Variants in FARS2 observed in about 807,000 individuals in gnomAD.
FARS2 encodes phenylalanyl-tRNA synthetase 2, mitochondrial.
Under a neutral mutation model 46.4 loss-of-function variants are expected in FARS2, and 40 were observed. That is an observed-to-expected ratio of 0.86 (90% confidence interval 0.67 to 1.12). The LOEUF (loss-of-function observed/expected upper bound fraction) is 1.12. Among genes scored for constraint, FARS2 ranks in the 50% most tolerant of loss-of-function variants. The pLI, the probability that FARS2 is intolerant of heterozygous loss-of-function variation, is 0.00. For synonymous variants in FARS2, 234 were observed against 214.9 expected (o/e 1.09, Z -0.78); for missense variants, 513 against 567.9 (o/e 0.90, Z 0.98).
intron 4 of FARS2, among the ~76,000 whole-genome samples, chr6:5,477,764 G>A (rs1398813485): frequency 6.6e-6 from 1 of 152,134 alleles, no homozygotes; most frequent in Non-Finnish European, 1.5e-5. Flanking sequence ...CATGCCTGTA[G>A]CCCCAGCAGT....
At chr6:5,589,762 T>C (rs1253353880) in intron 5 of FARS2, among the ~76,000 whole-genome samples, 1 of 152,252 alleles carries the variant, frequency 6.6e-6, no homozygotes, top group Non-Finnish European at 1.5e-5. Context: ...TATAACCTTT[T>C]GGTAAATCAT....
chr6:5,623,288 A>C (rs1232937298), intron 6 of FARS2, among the ~76,000 whole-genome samples: 1 of 152,242 alleles, frequency 6.6e-6, no homozygotes, highest in Non-Finnish European at 1.5e-5. Flanking sequence ...GGAGCCTTGG[A>C]CTTGGCAGCC....
chr6:5,670,487 T>C (rs1778397135), intron 6 of FARS2, among the ~76,000 whole-genome samples: 1 of 152,228 alleles, frequency 6.6e-6, no homozygotes, highest in Admixed American at 6.5e-5. Flanking sequence ...CCACAACTGA[T>C]GCACAATGGA....
At chr6:5,482,414 C>G (rs773718721) in intron 4 of FARS2, among the ~76,000 whole-genome samples, 17 of 152,164 alleles carry the variant, frequency 1.1e-4, no homozygotes, top group Non-Finnish European at 2.2e-4. Context: ...CAAATGCCCA[C>G]TTAATGTTTT....
intron 4 of FARS2, among the ~76,000 whole-genome samples, chr6:5,458,998 G>C (rs1765078169): frequency 1.3e-5 from 2 of 152,194 alleles, no homozygotes; most frequent in South Asian, 4.1e-4. Flanking sequence ...ATTAAAGCAT[G>C]AAATATATTA....
intron 1 of FARS2, among the ~76,000 whole-genome samples, chr6:5,362,433 A>G (rs926377677): frequency 2.6e-5 from 4 of 152,208 alleles, no homozygotes; most frequent in African/African-American, 9.6e-5. Flanking sequence ...AGGCTGAATA[A>G]TATTCTATTG....
chr6:5,256,287 C>CA (rs1045341549), upstream of FARS2, among the ~76,000 whole-genome samples: 4 of 151,406 alleles, frequency 2.6e-5, no homozygotes, highest in Non-Finnish European at 4.4e-5. Flanking sequence ...GTCAGGAGTT[C>CA]AAGATCAGCC....
the FARS2 span, among the ~76,000 whole-genome samples, chr6:5,252,632 T>C: frequency 6.6e-6 from 1 of 152,322 alleles, no homozygotes; most frequent in South Asian, 2.1e-4. Flanking sequence ...GATGCTAGAA[T>C]AGCTGTATCC....
At chr6:5,260,945 G>A (rs1765061334), upstream of FARS2, 7 of 1,334,820 alleles carry the variant, frequency 5.2e-6, no homozygotes, top group South Asian at 8.5e-5. Flanking sequence ...GGCGCAGGCA[G>A]GGCTCGGGGC....
At chr6:5,767,262 G>A (rs1762801767) in intron 6 of FARS2, among the ~76,000 whole-genome samples, 1 of 151,942 alleles carries the variant, frequency 6.6e-6, no homozygotes, top group East Asian at 1.9e-4. Flanking sequence ...CACCATGTTG[G>A]CCAGGCTGGT....
rs569399750 is a variant in FARS2 at position 5,318,132 on chromosome 6, G to A, written c.-21-50418G>A. The stretch of plus-strand genomic sequence containing the variant: ...TCCCAGCACTTTGGGAGGCCAAGGC[G>A]GGAGGATCACGAGGTCAGGAGTTAG... On this transcript the variant is annotated intron_variant, in intron 1 of 6. Coordinates refer to ENST00000274680, the MANE Select transcript of FARS2 (RefSeq NM_006567.5). 7.4e-4 allele frequency among the ~76,000 whole-genome samples: 112 copies of A among 152,138 alleles called. 1 individual carries two copies. The South Asian group carries it at 0.017, about 23-fold the overall frequency.
intron 5 of FARS2, among the ~76,000 whole-genome samples, chr6:5,558,673 A>G (rs2150530577): frequency 6.6e-6 from 1 of 152,020 alleles, no homozygotes; most frequent in South Asian, 2.1e-4. Context: ...AGTAGCTGGG[A>G]CTACAGGCAC....
chr6:5,612,747 A>G (rs1459173962), intron 5 of FARS2, among the ~76,000 whole-genome samples: 1 of 152,218 alleles, frequency 6.6e-6, no homozygotes, highest in Non-Finnish European at 1.5e-5. Flanking sequence ...TTACTAATTG[A>G]AATATTAATT....
At position 5,287,655 on chromosome 6, in the gene FARS2, T is replaced by C. The variant is rs140684130; in HGVS notation, c.-22+25995T>C. 2.4e-4 allele frequency among the ~76,000 whole-genome samples: 37 copies of C among 152,328 alleles called. No homozygotes were observed. In the East Asian group the frequency reaches 7.1e-3, roughly 29 times the overall value. The stretch of plus-strand genomic sequence containing the variant: ...AGAGAGTTGGCCTACTTTCTGTCGA[T>C]GCTGCTCCCTTGGAGGACCTCATAG... On this transcript the variant is annotated intron_variant, in intron 1 of 6. Transcript: ENST00000274680.
intron 5 of FARS2, among the ~76,000 whole-genome samples, chr6:5,595,280 A>G (rs924145937): frequency 6.6e-5 from 10 of 152,042 alleles, no homozygotes; most frequent in African/African-American, 2.4e-4. Context: ...ATCCCTTCAT[A>G]CCTTGTGCCT....
intron 6 of FARS2, among the ~76,000 whole-genome samples, chr6:5,686,573 G>A (rs1305433572): frequency 1.3e-5 from 2 of 152,162 alleles, no homozygotes; most frequent in African/African-American, 4.8e-5. Flanking sequence ...TGGTATATAT[G>A]TGCCACATTT....
At chr6:5,769,923 G>A (rs142705616) in intron 6 of FARS2, among the ~76,000 whole-genome samples, 1 of 152,306 alleles carries the variant, frequency 6.6e-6, no homozygotes, top group African/African-American at 2.4e-5. Context: ...AGATGACCAA[G>A]CCAGGGTGGG....
intron 1 of FARS2, among the ~76,000 whole-genome samples, chr6:5,318,354 G>A (rs529332341): frequency 7.7e-5 from 10 of 130,048 alleles, no homozygotes; most frequent in East Asian, 2.2e-4. Flanking sequence ...GTGAGACTCC[G>A]TCTCAAGAAA....
Position 5,632,635 on chromosome 6 carries a change from CTTCT to C in FARS2, c.1217+19317_1217+19320del, listed in dbSNP as rs757492559. On this transcript the variant is annotated intron_variant, in intron 6 of 6. Coordinates refer to ENST00000274680, the MANE Select transcript of FARS2 (RefSeq NM_006567.5). ...CTTCCTTTCCTCCCTCCCTCCCTCC[CTTCT>C]TCCTTCCTTCCTTCCTTCCTCCCCT... Among the ~76,000 whole-genome samples, 101 of 90,976 alleles carry C rather than the reference CTTCT, an allele frequency of 1.1e-3. 2 individuals carry two copies. The highest frequency in any genetic ancestry group is 7.7e-4 in the Admixed American group (6 of 7,758). The allele number at this position is 90,976 out of a possible 152,430, so 59.7% of individuals were successfully genotyped here.
Sources: allele counts gnomAD v4.1 joint callset (sites outside exome capture counted in the v4.1 genomes callset), GRCh38; gene constraint gnomAD v4.1.1; transcripts MANE v1.5; gene names NCBI Gene and HGNC (gene_info 2026-07-23, HGNC 2026-07-21).